SIK2: variants seen among roughly 807,000 people sequenced by gnomAD.
The protein encoded by SIK2 is salt inducible kinase 2.
SIK2 carries 29 observed loss-of-function variants against 103.2 expected under a neutral mutation model. That is an observed-to-expected ratio of 0.28 (90% confidence interval 0.21 to 0.38). The LOEUF (loss-of-function observed/expected upper bound fraction) is 0.38, where lower values mean the gene tolerates loss of function less well. Among genes scored for constraint, SIK2 ranks in the 10% least tolerant of loss-of-function variants. The probability of loss-of-function intolerance (pLI) is 1.00; values close to 1 mark genes in which losing one functional copy is unlikely to be tolerated. For missense variants in SIK2, 879 were observed against 1,171.0 expected (o/e 0.75, Z 3.64); for synonymous variants, 412 against 446.1 (o/e 0.92, Z 0.96).
intron 3 of SIK2, among the ~76,000 whole-genome samples, chr11:111,647,903 A>G (rs569711004): frequency 6.6e-6 from 1 of 152,170 alleles, no homozygotes; most frequent in Admixed American, 6.5e-5. Context: ...CTTTTTTGTC[A>G]TGAAGATGGT....
At chr11:111,700,240 C>G (rs1943181726) in intron 4 of SIK2, among the ~76,000 whole-genome samples, 1 of 152,132 alleles carries the variant, frequency 6.6e-6, no homozygotes, top group African/African-American at 2.4e-5. Flanking sequence ...CTGTTTTGAA[C>G]TATAATGCCA....
chr11:111,630,457 A>G (rs1443810620), intron 3 of SIK2, among the ~76,000 whole-genome samples: 5 of 152,128 alleles, frequency 3.3e-5, no homozygotes, highest in African/African-American at 7.2e-5. Context: ...TTTGCATCTT[A>G]TTGTATATAA....
At chr11:111,658,357 T>G (rs1942422420) in intron 3 of SIK2, among the ~76,000 whole-genome samples, 1 of 151,954 alleles carries the variant, frequency 6.6e-6, no homozygotes, top group Non-Finnish European at 1.5e-5. Flanking sequence ...ACTCCTGACC[T>G]CGTGATCCAC....
chr11:111,616,211 C>T, intron 1 of SIK2, 32 bp from the exon 2 acceptor site: 1 of 1,396,788 alleles, frequency 7.2e-7, no homozygotes, highest in South Asian at 1.2e-5. Flanking sequence ...CTATTGTATA[C>T]TAATTGTATT....
chr11:111,685,865 CAAATA>C (rs774354091), intron 3 of SIK2, among the ~76,000 whole-genome samples: 203 of 151,906 alleles, frequency 1.3e-3, no homozygotes, highest in Non-Finnish European at 1.9e-3. Flanking sequence ...AATAAATAAA[CAAATA>C]AAATAAAAGG....
At position 111,616,490 on chromosome 11, in the gene SIK2, T is replaced by C. The variant is rs933669751; in HGVS notation, c.252+131T>C. ...TAAATGTATGCTATTTGTTACTAAG[T>C]ACACCATTTTTCTATATTGTCTTTA... On this transcript the variant is annotated intron_variant, in intron 2 of 14. Transcript: ENST00000304987. The C allele has an allele frequency of 6.5e-6, 4 of 619,730 alleles. No individual in the cohort carries two copies. The African/African-American group carries it at 7.4e-5, about 11-fold the overall frequency. 38.4% of individuals were successfully genotyped at this position (619,730 alleles called of 1,614,324 possible). A position where few individuals can be genotyped will look rare whatever the true frequency, so the allele number is the denominator to read the frequency against.
In SIK2 at chr11:111,721,857, G is replaced by A. The variant is rs141484483; in HGVS notation, c.1972G>A (p.Val658Ile). The A allele has an allele frequency of 3.0e-5, 48 of 1,611,596 alleles. No homozygotes were observed. Among genetic ancestry groups the A allele is most frequent in the South Asian group, 5.5e-5 (5 of 90,786 alleles). Reference sequence around the variant, plus strand: ...AGAAGTTTCTCAGCAGCAGGAAAGCGTCTCCACTCTCCCTGCCAGCGTGCA... The same window carrying A: ...AGAAGTTTCTCAGCAGCAGGAAAGCATCTCCACTCTCCCTGCCAGCGTGCA... ...QEEVSQQQES[V>I]STLPASVHPQ... The change falls in exon 13 of 15, where the codon GTC becomes ATC. Residue 658 changes from valine (V) to isoleucine (I), a missense_variant. This residue lies in a region of SIK2 where 375 missense variants were observed against 416.3 expected (regional missense o/e 0.90). Transcript: ENST00000304987.
At position 111,720,713 on chromosome 11, in the gene SIK2, A is replaced by T. The variant is rs375896845; in HGVS notation, c.1731A>T (p.Pro577=). Residue 577 remains proline, a synonymous_variant, in exon 11 of 15, where the codon CCA becomes CCT. Transcript: ENST00000304987. ...SQKREVHNRS[P]VSFREGRRAS... Reference sequence around the variant, plus strand: ...AACGAGAGGTCCACAACAGGTCTCCAGTGAGCTTCAGAGAGGGCCGCAGAG... The same window carrying T: ...AACGAGAGGTCCACAACAGGTCTCCTGTGAGCTTCAGAGAGGGCCGCAGAG... 1 of 1,612,114 alleles carries T rather than the reference A, an allele frequency of 6.2e-7. No homozygotes were observed. The highest frequency in any genetic ancestry group is 1.3e-5 in the African/African-American group (1 of 74,858).
At chr11:111,637,328 TTA>T (rs559477576) in intron 3 of SIK2, among the ~76,000 whole-genome samples, 190 of 152,142 alleles carry the variant, frequency 1.2e-3, no homozygotes, top group Non-Finnish European at 2.0e-3. Flanking sequence ...TTTTATTTTT[TTA>T]GTCTAAAATT....
intron 3 of SIK2, among the ~76,000 whole-genome samples, chr11:111,664,306 A>T (rs1942505915): frequency 6.6e-6 from 1 of 152,052 alleles, no homozygotes; most frequent in Non-Finnish European, 1.5e-5. Flanking sequence ...GGCAGACTGG[A>T]GTGTGGGAGA....
chr11:111,681,237 T>A (rs943972125), intron 3 of SIK2, among the ~76,000 whole-genome samples: 35 of 152,238 alleles, frequency 2.3e-4, no homozygotes, highest in African/African-American at 7.5e-4. Flanking sequence ...TGAAATTATA[T>A]ACTAAATTGT....
At chr11:111,620,933 A>G (rs761051917) in intron 3 of SIK2, among the ~76,000 whole-genome samples, 2 of 152,204 alleles carry the variant, frequency 1.3e-5, no homozygotes, top group African/African-American at 2.4e-5. Flanking sequence ...ATTGGTGTTT[A>G]TGATTCATTC....
intron 1 of SIK2, among the ~76,000 whole-genome samples, chr11:111,607,613 C>T (rs1014409052): frequency 1.1e-4 from 16 of 152,210 alleles, no homozygotes; most frequent in African/African-American, 2.9e-4. Context: ...ATAACTCAAT[C>T]GCTAATATTT....
chr11:111,654,113 A>T (rs1942361625), intron 3 of SIK2, among the ~76,000 whole-genome samples: 2 of 152,224 alleles, frequency 1.3e-5, no homozygotes, highest in Admixed American at 6.5e-5. Flanking sequence ...TTTCTGCTCT[A>T]TAGCAGTGGT....
chr11:111,617,268 A>G (rs1941820024), intron 2 of SIK2, among the ~76,000 whole-genome samples: 1 of 152,204 alleles, frequency 6.6e-6, no homozygotes, highest in African/African-American at 2.4e-5. Context: ...GGTTTTTAAA[A>G]GGAGTGTTTT....
At chr11:111,621,508 T>TA (rs1200629030) in intron 3 of SIK2, among the ~76,000 whole-genome samples, 3 of 152,174 alleles carry the variant, frequency 2.0e-5, no homozygotes, top group Admixed American at 2.0e-4. Context: ...TATCTATTGA[T>TA]AGACATTTGG....
At chr11:111,642,330 G>A (rs181852589) in intron 3 of SIK2, among the ~76,000 whole-genome samples, 17 of 152,248 alleles carry the variant, frequency 1.1e-4, no homozygotes, top group Admixed American at 7.2e-4. Flanking sequence ...CACACCTTCC[G>A]TCCCACTTGA....
Position 111,643,702 on chromosome 11 carries a change from T to A in SIK2, c.316+23300T>A, listed in dbSNP as rs2135857923. 2.6e-5 allele frequency among the ~76,000 whole-genome samples: 4 copies of A among 150,972 alleles called. No individual in the cohort carries two copies. In the Middle Eastern group the frequency reaches 0.014, roughly 517 times the overall value. ...GGTGCGCGCCTGTACTCCCAGCTAC[T>A]CAGGAGGCTGAGAGGCAGGAAAATC... On this transcript the variant is annotated intron_variant, in intron 3 of 14. Transcript: ENST00000304987.
At chr11:111,666,942 ATTTTATTTATTT>A (rs1305201939) in intron 3 of SIK2, among the ~76,000 whole-genome samples, 3 of 118,616 alleles carry the variant, frequency 2.5e-5, no homozygotes, top group East Asian at 2.5e-4. Context: ...TTTTTATTTT[ATTTTATTTATTT>A]ATTTATTTAT....
Sources: allele counts gnomAD v4.1 joint callset (sites outside exome capture counted in the v4.1 genomes callset), GRCh38; gene constraint gnomAD v4.1.1; regional missense constraint gnomAD v4.1.1; transcripts MANE v1.5; gene names NCBI Gene and HGNC (gene_info 2026-07-23, HGNC 2026-07-21).